The following HEXB variants were observed in gnomAD, a reference collection of about 807,000 sequenced individuals.
HEXB encodes the protein hexosaminidase subunit beta.
In HEXB, 51 loss-of-function variants were observed where a neutral mutation model predicts 71.2. That is an observed-to-expected ratio of 0.72 (90% CI 0.57 to 0.90). The LOEUF (loss-of-function observed/expected upper bound fraction) is 0.90, where lower values mean the gene tolerates loss of function less well. HEXB is among the 40% of genes least tolerant of loss of function. HEXB has a pLI of 0.00. For missense variants in HEXB, 617 were observed against 677.0 expected, an observed-to-expected ratio of 0.91 and a Z score of 0.98; for synonymous variants, 266 against 249.3, an observed-to-expected ratio of 1.07 and a Z score of -0.63.
rs759404927 is a variant in HEXB at position 74,718,791 on chromosome 5, T to C, written c.1243-6T>C. The C allele has an allele frequency of 6.0e-5, 97 of 1,613,874 alleles. No homozygotes were observed. The Admixed American group carries it at 1.6e-3, about 27-fold the overall frequency. ...TAATATGTATTGCAATTTGTAACGTTAATAGCTTGCGCCGGGCACAATAGT... is the reference window on the plus strand; with the variant it reads ...TAATATGTATTGCAATTTGTAACGTCAATAGCTTGCGCCGGGCACAATAGT... On this transcript the variant is annotated splice_polypyrimidine_tract_variant and splice_region_variant and intron_variant, in intron 10 of 13. Transcript: ENST00000261416.
chr5:74,642,611 C>T (rs1043968326), intron 1 of HEXB, among the ~76,000 whole-genome samples: 2 of 152,012 alleles, frequency 1.3e-5, no homozygotes, highest in African/African-American at 4.8e-5. Context: ...CTTTGTGAGT[C>T]AAATCTACCT....
At chr5:74,668,547 G>A (rs1044079423) in intron 1 of HEXB, among the ~76,000 whole-genome samples, 6 of 152,172 alleles carry the variant, frequency 3.9e-5, no homozygotes, top group Non-Finnish European at 8.8e-5. Flanking sequence ...TATTCCTCAT[G>A]TGTGAAACAA....
intron 3 of HEXB, 85 bp from the exon 4 acceptor site, chr5:74,696,608 G>T (rs1398706130): frequency 7.9e-6 from 6 of 757,580 alleles, no homozygotes; most frequent in Admixed American, 2.0e-5. Flanking sequence ...GCCTTACCTG[G>T]TTATGAGTCT....
At chr5:74,660,672 A>C (rs1425891953) in intron 1 of HEXB, among the ~76,000 whole-genome samples, 1 of 152,246 alleles carries the variant, frequency 6.6e-6, no homozygotes, top group Non-Finnish European at 1.5e-5. Context: ...TCCTAGCAGC[A>C]GCTGAATGCA....
chr5:74,654,152 A>T (rs1411680393), intron 1 of HEXB, among the ~76,000 whole-genome samples: 1 of 152,138 alleles, frequency 6.6e-6, no homozygotes, highest in Non-Finnish European at 1.5e-5. Flanking sequence ...CCTGAGTGTG[A>T]GGAGCCAATG....
chr5:74,696,632 A>G, intron 3 of HEXB, 61 bp from the exon 4 acceptor site: 2 of 896,036 alleles, frequency 2.2e-6, no homozygotes, highest in Non-Finnish European at 3.7e-6. Context: ...TGAATAATAT[A>G]ACTTTTATCA....
At chr5:74,669,302 TA>T (rs1416933160) in intron 1 of HEXB, among the ~76,000 whole-genome samples, 1 of 151,970 alleles carries the variant, frequency 6.6e-6, no homozygotes, top group Non-Finnish European at 1.5e-5. Context: ...TTAATTTAAC[TA>T]TTTTTTTTTT....
chr5:74,721,020 T>TTAAG (rs1475919618), intron 13 of HEXB, 98 bp from the exon 14 acceptor site: 13 of 1,069,518 alleles, frequency 1.2e-5, no homozygotes, highest in Non-Finnish European at 1.9e-5. Context: ...TGATTCTAAT[T>TTAAG]TAAGTTTCTA....
At chr5:74,681,058 C>T (rs77367159), upstream of HEXB, among the ~76,000 whole-genome samples, 29,249 of 152,050 alleles carry the variant, frequency 0.19, 2,924 homozygotes, top group East Asian at 0.25. Context: ...CGTGAGCAAA[C>T]CATTTAGTTC....
intron 1 of HEXB, among the ~76,000 whole-genome samples, chr5:74,649,920 A>G (rs531947260): frequency 6.6e-6 from 1 of 152,338 alleles, no homozygotes; most frequent in East Asian, 1.9e-4. Context: ...TGTTTCCCCA[A>G]CTATGATCAA....
chr5:74,663,190 T>C (rs187076503), intron 1 of HEXB, among the ~76,000 whole-genome samples: 134 of 107,610 alleles, frequency 1.2e-3, no homozygotes, highest in African/African-American at 5.4e-3. Context: ...TTCCTTTTTT[T>C]TGGGGGGGTG....
At chr5:74,712,392 G>T (rs1749566987) in intron 6 of HEXB, among the ~76,000 whole-genome samples, 1 of 150,776 alleles carries the variant, frequency 6.6e-6, no homozygotes, top group African/African-American at 2.5e-5. Flanking sequence ...TAACTAACCT[G>T]CACATTGTGC....
chr5:74,703,380 T>C (rs820834), intron 5 of HEXB, among the ~76,000 whole-genome samples: 140,935 of 152,304 alleles, frequency 0.93, 65,394 homozygotes, highest in African/African-American at 0.97. Flanking sequence ...ACATGATGTT[T>C]CAGGCCTGTC....
chr5:74,709,966 C>T (rs1319659126), intron 6 of HEXB, among the ~76,000 whole-genome samples: 18 of 151,154 alleles, frequency 1.2e-4, no homozygotes, highest in Middle Eastern at 3.2e-3. Context: ...ATACCAAAGC[C>T]GGGCAGAGAC....
chr5:74,718,889 T>G lies in HEXB; in HGVS notation c.1335T>G (p.Leu445=), dbSNP rs756869111. 5 of 1,614,054 alleles carry G rather than the reference T, an allele frequency of 3.1e-6. No individual in the cohort carries two copies. The African/African-American group carries it at 4.0e-5, about 13-fold the overall frequency. ...CAGCATCTGGCTTCCCTGTAATCCT[T>G]TCTGCTCCTTGGTACTTAGATTTGA... ...RVTASGFPVI[L]SAPWYLDLIS... Residue 445 remains leucine, a synonymous_variant, in exon 11 of 14, where the codon CTT becomes CTG. Coordinates refer to ENST00000261416, the MANE Select transcript of HEXB (RefSeq NM_000521.4).
At chr5:74,679,798 C>CAAAAAA (rs70976121) in intron 1 of HEXB, among the ~76,000 whole-genome samples, 535 of 38,910 alleles carry the variant, frequency 0.014, 125 homozygotes, top group Middle Eastern at 0.077. Context: ...GACTCCGTCT[C>CAAAAAA]AAAAAAAAAA....
rs535136389 is a variant in HEXB at position 74,685,609 on chromosome 5, G to A, written c.299+50G>A. 1.0e-5 allele frequency: 15 copies of A among 1,482,094 alleles called. No individual in the cohort carries two copies. The East Asian group carries it at 3.5e-4, about 35-fold the overall frequency. The allele number at this position is 1,482,094 out of a possible 1,614,324, so 91.8% of individuals were successfully genotyped here. A position where few individuals can be genotyped will look rare whatever the true frequency, so the allele number is the denominator to read the frequency against. On this transcript the variant is annotated intron_variant, in intron 1 of 13. Transcript: ENST00000261416. Reference sequence around the variant, plus strand: ...AGTTGTCCTGGGGGAGGGGAGAGGCGGACCACCCCGGAGCGCTGTGCAGAC... The same window carrying A: ...AGTTGTCCTGGGGGAGGGGAGAGGCAGACCACCCCGGAGCGCTGTGCAGAC...
At chr5:74,718,681 C>A in intron 10 of HEXB, 116 bp from the exon 11 acceptor site, 1 of 1,067,396 alleles carries the variant, frequency 9.4e-7, no homozygotes. Context: ...AAAGAAAATG[C>A]AGATTTTTTT....
chr5:74,693,189 AG>A (rs1749040426), intron 2 of HEXB, among the ~76,000 whole-genome samples: 1 of 152,238 alleles, frequency 6.6e-6, no homozygotes, highest in Non-Finnish European at 1.5e-5. Context: ...AGCGACACCT[AG>A]GGCGTTACCA....
Sources: gnomAD v4.1 joint callset for allele counts (sites outside exome capture counted in the v4.1 genomes callset) on GRCh38, gnomAD v4.1.1 for gene constraint, MANE v1.5 for transcripts, NCBI Gene and HGNC (gene_info 2026-07-23, HGNC 2026-07-21) for gene names.